PCDHGB7: variants seen among roughly 807,000 people sequenced by gnomAD.
PCDHGB7 encodes protocadherin gamma subfamily B, 7.
Under a neutral mutation model 61.4 loss-of-function variants are expected in PCDHGB7, and 37 were observed. The observed-to-expected ratio is 0.60, with a 90% CI of 0.46 to 0.79. The LOEUF (loss-of-function observed/expected upper bound fraction) is 0.79, where lower values mean the gene tolerates loss of function less well. PCDHGB7 is among the 30% of genes least tolerant of loss of function. The pLI, the probability that PCDHGB7 is intolerant of heterozygous loss-of-function variation, is 0.00. For synonymous variants in PCDHGB7, 464 were observed against 503.5 expected (o/e 0.92, Z 1.05); for missense variants, 1,166 against 1,202.5 (o/e 0.97, Z 0.45).
chr5:141,491,837 G>A lies in PCDHGB7; in HGVS notation c.2416-2970G>A, dbSNP rs1404051857. The A allele has an allele frequency of 1.4e-6, 2 of 1,472,862 alleles. No individual in the cohort carries two copies. The highest frequency in any genetic ancestry group is 1.8e-6 in the Non-Finnish European group (2 of 1,111,878). The allele number at this position is 1,472,862 out of a possible 1,614,324, so 91.2% of individuals were successfully genotyped here. A position where few individuals can be genotyped will look rare whatever the true frequency, so the allele number is the denominator to read the frequency against. ...TGGCTGCGCTCCACCCGATTCTCGG[G>A]ATCATTGGACCGTTTGCGCGAAACC... On this transcript the variant is annotated intron_variant, in intron 1 of 3. Transcript: ENST00000398594. The surrounding 1 kb of genome is among the most constrained non-coding windows in gnomAD (Gnocchi z 6.9).
intron 1 of PCDHGB7, chr5:141,426,581 C>A: frequency 2.8e-6 from 1 of 358,468 alleles, no homozygotes. Context: ...TCTTCAAAAT[C>A]CTCTGTGTCA....
At chr5:141,501,866 C>T (rs1193396289) in intron 2 of PCDHGB7, among the ~76,000 whole-genome samples, 4 of 152,108 alleles carry the variant, frequency 2.6e-5, no homozygotes, top group South Asian at 2.1e-4. Context: ...TTTCCCAGGA[C>T]GCCTCCTTAC....
Position 141,485,369 on chromosome 5 carries a change from G to T in PCDHGB7, c.2416-9438G>T. On this transcript the variant is annotated intron_variant, in intron 1 of 3. Transcript: ENST00000398594. This position sits in a 1 kb window ranked among gnomAD's most constrained non-coding sequence, Gnocchi z 5.7. ...CAGTCTGTCAGCTCGCAGGCTGCAG[G>T]TCGCTGGAGAGGTGAACCAAAGACA... 1 of 1,614,154 alleles carries T rather than the reference G, an allele frequency of 6.2e-7. No individual in the cohort carries two copies. The highest frequency in any genetic ancestry group is 1.1e-5 in the South Asian group (1 of 91,088).
chr5:141,431,858 G>T lies in PCDHGB7; in HGVS notation c.2415+11584G>T, dbSNP rs1421209596. On this transcript the variant is annotated intron_variant, in intron 1 of 3. Coordinates refer to ENST00000398594, the MANE Select transcript of PCDHGB7 (RefSeq NM_018927.4). This position sits in a 1 kb window ranked among gnomAD's most constrained non-coding sequence, Gnocchi z 4.8. ...AAACTCTCCCAGAGGGACATTAATTGCCCTTTTAAATGTAAATGACCAAGA... is the reference window on the plus strand; with the variant it reads ...AAACTCTCCCAGAGGGACATTAATTTCCCTTTTAAATGTAAATGACCAAGA... 6.8e-6 allele frequency: 11 copies of T among 1,614,080 alleles called. No homozygotes were observed. The highest frequency in any genetic ancestry group is 8.5e-6 in the Non-Finnish European group (10 of 1,180,028).
intron 1 of PCDHGB7, among the ~76,000 whole-genome samples, chr5:141,456,778 C>T (rs568292085): frequency 3.7e-4 from 57 of 152,242 alleles, no homozygotes; most frequent in African/African-American, 1.3e-3. Flanking sequence ...GCCTGGCCTA[C>T]ATGGCAAAAC....
chr5:141,422,117 C>A, intron 1 of PCDHGB7: 1 of 1,604,272 alleles, frequency 6.2e-7, no homozygotes, highest in East Asian at 2.2e-5. Context: ...CAATTGGATT[C>A]ACAAACTGGA....
chr5:141,453,318 AG>A (rs1299190594), intron 1 of PCDHGB7, among the ~76,000 whole-genome samples: 2 of 151,458 alleles, frequency 1.3e-5, no homozygotes, highest in Non-Finnish European at 2.9e-5. Context: ...TTTATTTTAG[AG>A]ATGGGGTCTC....
intron 2 of PCDHGB7, among the ~76,000 whole-genome samples, chr5:141,502,866 C>CTTTTTT (rs549047197): frequency 2.0e-4 from 26 of 128,026 alleles, no homozygotes; most frequent in African/African-American, 6.2e-4. Flanking sequence ...GACTCTCTGT[C>CTTTTTT]TTTTTTTTTT....
Position 141,494,830 on chromosome 5 carries a change from G to C in PCDHGB7, c.2439G>C (p.Trp813Cys), listed in dbSNP as rs2099757104. Residue 813 changes from tryptophan (W) to cysteine (C), a missense_variant, in exon 2 of 4, where the codon TGG (tryptophan) becomes TGC (cysteine). Coordinates refer to ENST00000398594, the MANE Select transcript of PCDHGB7 (RefSeq NM_018927.4). ...AGCAAGCCCCGCCCAACACGGACTG[G>C]CGTTTCTCTCAGGCCCAGAGACCCG... The part of the protein sequence containing the change: ...LKQQAPPNTD[W>C]RFSQAQRPGT... 6.2e-7 allele frequency: 1 copy of C among 1,614,098 alleles called. No homozygotes were observed. The highest frequency in any genetic ancestry group is 2.2e-5 in the East Asian group (1 of 44,862).
rs141959335 is a variant in PCDHGB7, at chr5:141,491,261, T to C, written c.2416-3546T>C. On this transcript the variant is annotated intron_variant, in intron 1 of 3. Transcript: ENST00000398594. This position sits in a 1 kb window ranked among gnomAD's most constrained non-coding sequence, Gnocchi z 6.9. Reference sequence around the variant, plus strand: ...CTGGAGGATGAGGACCCTGAGGAAATGCCCAAATCCAGTGACTTCCTCATA... The same window carrying C: ...CTGGAGGATGAGGACCCTGAGGAAACGCCCAAATCCAGTGACTTCCTCATA... 104 of 1,614,044 alleles carry C rather than the reference T, an allele frequency of 6.4e-5. No individual in the cohort carries two copies. Among genetic ancestry groups the C allele is most frequent in the Non-Finnish European group, 8.1e-5 (95 of 1,180,028 alleles).
chr5:141,491,080 A>T lies in PCDHGB7; in HGVS notation c.2416-3727A>T. On this transcript the variant is annotated intron_variant, in intron 1 of 3. Transcript: ENST00000398594. This position sits in a 1 kb window ranked among gnomAD's most constrained non-coding sequence, Gnocchi z 6.9. ...CTCCTACTCACTGTTGCCACAGTCC[A>T]CAGCCCCAGGACTGTTCCTCGTGTC... The T allele has an allele frequency of 6.2e-7, 1 of 1,614,116 alleles. No individual in the cohort carries two copies. Among genetic ancestry groups the T allele is most frequent in the Non-Finnish European group, 8.5e-7 (1 of 1,179,994 alleles).
At chr5:141,507,704 G>A (rs989196400) in intron 3 of PCDHGB7, among the ~76,000 whole-genome samples, 5 of 152,210 alleles carry the variant, frequency 3.3e-5, no homozygotes, top group African/African-American at 9.6e-5. Context: ...AGTATTTATG[G>A]CCCCAAACCC....
intron 1 of PCDHGB7, chr5:141,428,156 C>A: frequency 6.3e-7 from 1 of 1,579,884 alleles, no homozygotes; most frequent in Non-Finnish European, 8.6e-7. Context: ...CGGGAACCTG[C>A]TGGTTGCTGT....
chr5:141,472,188 G>C (rs779077950), intron 1 of PCDHGB7, among the ~76,000 whole-genome samples: 4 of 152,168 alleles, frequency 2.6e-5, no homozygotes, highest in Middle Eastern at 3.2e-3. Context: ...ATTGGAATTT[G>C]AATCTTTTTG....
intron 1 of PCDHGB7, among the ~76,000 whole-genome samples, chr5:141,460,963 G>A (rs760674165): frequency 3.0e-4 from 27 of 89,804 alleles, no homozygotes; most frequent in Admixed American, 4.3e-4. Context: ...ATATATATAT[G>A]TGTGTGTGTG....
intron 1 of PCDHGB7, among the ~76,000 whole-genome samples, chr5:141,475,778 T>C (rs1204790631): frequency 2.0e-5 from 3 of 152,282 alleles, no homozygotes; most frequent in Non-Finnish European, 4.4e-5. Flanking sequence ...GCGCTTTGGC[T>C]GGAAACTCTG....
intron 1 of PCDHGB7, among the ~76,000 whole-genome samples, chr5:141,473,990 G>A (rs988540565): frequency 2.0e-5 from 3 of 152,130 alleles, no homozygotes; most frequent in African/African-American, 7.2e-5. Flanking sequence ...GATCCCTTGA[G>A]CCCAAGGAGC....
Position 141,418,297 on chromosome 5 carries a change from C to T in PCDHGB7, c.438C>T (p.Val146=), listed in dbSNP as rs760176371. 2.5e-6 allele frequency: 4 copies of T among 1,614,026 alleles called. No homozygotes were observed. The highest frequency in any genetic ancestry group is 2.7e-5 in the African/African-American group (2 of 75,062). Residue 146 remains valine (V), a synonymous_variant, in exon 1 of 4, where the codon GTC becomes GTT. Transcript: ENST00000398594. ...TAAACTTAGAAATCAGTGAATCCGT[C>T]AGCCTGGGGATGGGAACAATTCTTG... ...DEINLEISES[V]SLGMGTILES... is the part of the protein sequence containing the mutation.
rs2097461148 is a variant in PCDHGB7 at position 141,432,174 on chromosome 5, T to C, written c.2415+11900T>C. ...AACAATCCCAGAGGAGTTTCCCTCGTCTCTGTGACCGCCCACGACCCCGAC... is the reference window on the plus strand; with the variant it reads ...AACAATCCCAGAGGAGTTTCCCTCGCCTCTGTGACCGCCCACGACCCCGAC... On this transcript the variant is annotated intron_variant, in intron 1 of 3. Transcript: ENST00000398594. The surrounding 1 kb of genome is among the most constrained non-coding windows in gnomAD (Gnocchi z 6.0). 1 of 1,614,088 alleles carries C rather than the reference T, an allele frequency of 6.2e-7. No homozygotes were observed. Among genetic ancestry groups the C allele is most frequent in the Non-Finnish European group, 8.5e-7 (1 of 1,180,022 alleles).
Sources: gnomAD v4.1 joint callset for allele counts (sites outside exome capture counted in the v4.1 genomes callset) on GRCh38, gnomAD v4.1.1 for gene constraint, Gnocchi (gnomAD v3.1) non-coding constraint, MANE v1.5 for transcripts, NCBI Gene and HGNC (gene_info 2026-07-23, HGNC 2026-07-21) for gene names.